The following ROBO2 variants were observed in gnomAD, a reference collection of about 807,000 sequenced individuals.
ROBO2 encodes roundabout guidance receptor 2, also known as roundabout homolog 2.
A neutral mutation model predicts 160.8 loss-of-function variants in ROBO2; 53 were observed. The ratio of observed to expected loss-of-function variants is 0.33; its 90% CI spans 0.26 to 0.41. The LOEUF (loss-of-function observed/expected upper bound fraction) is 0.41. Ranked by LOEUF, ROBO2 falls within the 10% of genes least tolerant of loss-of-function variation. ROBO2 has a pLI of 1.00. For synonymous variants in ROBO2, 664 were observed against 611.7 expected (o/e 1.09, Z -1.26); for missense variants, 1,577 against 1,722.4 (o/e 0.92, Z 1.49).
At chr3:76,794,551 T>C (rs1172243819) in intron 2 of ROBO2, among the ~76,000 whole-genome samples, 2 of 152,046 alleles carry the variant, frequency 1.3e-5, no homozygotes, top group Non-Finnish European at 2.9e-5. Flanking sequence ...TGGTTTTCTC[T>C]GTCTGAACAA....
intron 2 of ROBO2, among the ~76,000 whole-genome samples, chr3:77,475,967 A>G (rs971444443): frequency 6.6e-6 from 1 of 152,224 alleles, no homozygotes; most frequent in African/African-American, 2.4e-5. Context: ...TAATCAGCTT[A>G]TAAACTGAGA....
chr3:76,979,858 T>A (rs1301471710), intron 2 of ROBO2, among the ~76,000 whole-genome samples: 2 of 152,030 alleles, frequency 1.3e-5, no homozygotes, highest in Non-Finnish European at 2.9e-5. Flanking sequence ...GTGTAACAAT[T>A]TGAGGAGATT....
chr3:77,476,105 GA>G (rs1190572765), intron 2 of ROBO2, among the ~76,000 whole-genome samples: 1 of 152,154 alleles, frequency 6.6e-6, no homozygotes, highest in East Asian at 1.9e-4. Context: ...CAAAATACGA[GA>G]AAAGAAAAAC....
Position 77,351,519 on chromosome 3 carries a change from G to GA in ROBO2, c.389-125889dup, listed in dbSNP as rs372696437. Reference sequence around the variant, plus strand: ...GGAACTGGGATCGGCAAAAATGAAGGAAAAAACTGAGATAAAGGGTTCCTT... The same window carrying GA: ...GGAACTGGGATCGGCAAAAATGAAGGAAAAAAACTGAGATAAAGGGTTCCTT... On this transcript the variant is annotated intron_variant, in intron 2 of 25. Transcript: ENST00000461745. Among the ~76,000 whole-genome samples, 287 of 152,170 alleles carry GA rather than the reference G, an allele frequency of 1.9e-3. 2 individuals are homozygous for GA. The highest frequency in any genetic ancestry group is 6.5e-3 in the African/African-American group (271 of 41,544).
In ROBO2 at chr3:76,168,345, G is replaced by C. The variant is rs548003329; in HGVS notation, c.109+230743G>C. Among the ~76,000 whole-genome samples, 2 of 152,120 alleles carry C rather than the reference G, an allele frequency of 1.3e-5. 1 individual carries two copies. On this transcript the variant is annotated intron_variant, in intron 2 of 26. Transcript: ENST00000487694. ...CTTAGAGGTGACGATATTGTTGAAA[G>C]AATGTTTTTTATCCTATATTTTCGT... is the stretch of plus-strand genomic sequence containing the variant.
At chr3:76,925,001 G>A (rs2076888134) in intron 2 of ROBO2, among the ~76,000 whole-genome samples, 2 of 151,982 alleles carry the variant, frequency 1.3e-5, no homozygotes, top group African/African-American at 2.4e-5. Context: ...GAGGTCAGGA[G>A]ATCGAGACCA....
chr3:75,989,199 C>T (rs2065497379), intron 2 of ROBO2, among the ~76,000 whole-genome samples: 1 of 151,996 alleles, frequency 6.6e-6, no homozygotes, highest in Non-Finnish European at 1.5e-5. Flanking sequence ...CTCACTGCAA[C>T]CTCCACCTCC....
chr3:76,328,494 A>C (rs1317703031), intron 2 of ROBO2, among the ~76,000 whole-genome samples: 1 of 152,150 alleles, frequency 6.6e-6, no homozygotes, highest in Non-Finnish European at 1.5e-5. Flanking sequence ...TTGGAGGCCG[A>C]GGCGGGCAGA....
chr3:77,118,417 T>C (rs2074413789), intron 2 of ROBO2, among the ~76,000 whole-genome samples: 1 of 152,316 alleles, frequency 6.6e-6, no homozygotes, highest in Non-Finnish European at 1.5e-5. Context: ...CATTGTAACA[T>C]TTTTTCCTTA....
chr3:76,220,607 A>T (rs1233615996), intron 2 of ROBO2, among the ~76,000 whole-genome samples: 1 of 152,098 alleles, frequency 6.6e-6, no homozygotes, highest in African/African-American at 2.4e-5. Flanking sequence ...GTTCCTTATA[A>T]ATTACTTAGT....
intron 2 of ROBO2, among the ~76,000 whole-genome samples, chr3:76,823,185 C>A (rs1386663144): frequency 6.6e-6 from 1 of 152,080 alleles, no homozygotes; most frequent in African/African-American, 2.4e-5. Flanking sequence ...CTTTTGACAT[C>A]TAGCTAGTAA....
intron 2 of ROBO2, among the ~76,000 whole-genome samples, chr3:77,343,624 A>C (rs1472125230): frequency 6.6e-6 from 1 of 152,164 alleles, no homozygotes; most frequent in African/African-American, 2.4e-5. Context: ...CCTAGCTGGC[A>C]AGAAAGACAG....
At chr3:76,273,710 G>C (rs1333597666) in intron 2 of ROBO2, among the ~76,000 whole-genome samples, 5 of 152,016 alleles carry the variant, frequency 3.3e-5, no homozygotes, top group Non-Finnish European at 5.9e-5. Flanking sequence ...ACTCACTCAC[G>C]ATCATGAGCA....
intron 2 of ROBO2, among the ~76,000 whole-genome samples, chr3:76,291,753 T>C (rs555505220): frequency 3.2e-4 from 48 of 152,306 alleles, no homozygotes; most frequent in African/African-American, 1.2e-3. Context: ...ATTTCTTGAT[T>C]TATGCCTTAA....
intron 2 of ROBO2, among the ~76,000 whole-genome samples, chr3:76,893,056 A>G (rs1027916210): frequency 1.3e-5 from 2 of 152,132 alleles, no homozygotes; most frequent in African/African-American, 2.4e-5. Flanking sequence ...TCCAATTGGA[A>G]CCCTGGATTC....
chr3:76,596,702 T>C (rs79354274), intron 2 of ROBO2, among the ~76,000 whole-genome samples: 6,221 of 152,194 alleles, frequency 0.041, 194 homozygotes, highest in Non-Finnish European at 0.054. Flanking sequence ...AGAGGTCTGA[T>C]GTCTCTTAGC....
intron 2 of ROBO2, among the ~76,000 whole-genome samples, chr3:77,012,935 A>C (rs2062007491): frequency 6.6e-6 from 1 of 152,194 alleles, no homozygotes. Flanking sequence ...GTTACCAATT[A>C]CATTTCACTG....
At chr3:77,066,512 TAGAC>T (rs1286538829) in intron 1 of ROBO2, among the ~76,000 whole-genome samples, 1 of 152,106 alleles carries the variant, frequency 6.6e-6, no homozygotes, top group African/African-American at 2.4e-5. Flanking sequence ...AAAATTTTGT[TAGAC>T]AGCAATCTCT....
At chr3:76,354,390 G>A (rs1412393181) in intron 2 of ROBO2, among the ~76,000 whole-genome samples, 1 of 151,844 alleles carries the variant, frequency 6.6e-6, no homozygotes, top group Non-Finnish European at 1.5e-5. Context: ...GATAGAGTAA[G>A]TCCTTAACAA....
Sources: gnomAD v4.1 joint callset for allele counts (sites outside exome capture counted in the v4.1 genomes callset) on GRCh38, gnomAD v4.1.1 for gene constraint, MANE v1.5 for transcripts, NCBI Gene and HGNC (gene_info 2026-07-23, HGNC 2026-07-21) for gene names.